MKRN1: variants seen among roughly 807,000 people sequenced by gnomAD.
The protein encoded by MKRN1 is E3 ubiquitin-protein ligase makorin-1.
A neutral mutation model predicts 55.5 loss-of-function variants in MKRN1; 9 were observed. The ratio of observed to expected loss-of-function variants is 0.16; its 90% CI spans 0.10 to 0.28. MKRN1 has a LOEUF of 0.28. MKRN1 is among the 10% of genes least tolerant of loss of function. MKRN1 has a pLI of 1.00. For synonymous variants in MKRN1, 253 were observed against 235.9 expected (o/e 1.07, Z -0.66); for missense variants, 488 against 626.7 (o/e 0.78, Z 2.36).
At chr7:140,460,424 C>T (rs1794588588) in intron 2 of MKRN1, among the ~76,000 whole-genome samples, 1 of 149,898 alleles carries the variant, frequency 6.7e-6, no homozygotes, top group Non-Finnish European at 1.5e-5. Flanking sequence ...ATTCTCCTGC[C>T]TCAGCCTCCC....
intron 1 of MKRN1, among the ~76,000 whole-genome samples, chr7:140,474,002 A>AGG (rs1795021343): frequency 8.3e-6 from 1 of 120,450 alleles, no homozygotes; most frequent in African/African-American, 3.8e-5. Flanking sequence ...CAAAAAAAAA[A>AGG]AAAAAAGAAA....
chr7:140,467,334 T>A, intron 2 of MKRN1, among the ~76,000 whole-genome samples: 1 of 151,968 alleles, frequency 6.6e-6, no homozygotes. Flanking sequence ...TGGAGTACAG[T>A]GGCACAATCA....
At chr7:140,460,885 T>A (rs760354763) in intron 2 of MKRN1, among the ~76,000 whole-genome samples, 3 of 152,254 alleles carry the variant, frequency 2.0e-5, no homozygotes, top group Non-Finnish European at 2.9e-5. Context: ...GTGTAGGCAC[T>A]ATTTAAAGGA....
At chr7:140,465,736 G>A (rs1794746378) in intron 2 of MKRN1, among the ~76,000 whole-genome samples, 1 of 152,086 alleles carries the variant, frequency 6.6e-6, no homozygotes, top group Non-Finnish European at 1.5e-5. Context: ...CTGTGAAGAG[G>A]GAAATCCCTG....
At chr7:140,472,148 G>T in intron 1 of MKRN1, 137 bp from the exon 2 acceptor site, 2 of 1,217,486 alleles carry the variant, frequency 1.6e-6, no homozygotes, top group Non-Finnish European at 2.3e-6. Flanking sequence ...GGCCAGGCAT[G>T]GTGGCTCATG....
At chr7:140,469,843 G>A (rs1238918126) in intron 2 of MKRN1, among the ~76,000 whole-genome samples, 1 of 152,030 alleles carries the variant, frequency 6.6e-6, no homozygotes, top group Non-Finnish European at 1.5e-5. Context: ...CTGGTCAGGA[G>A]ATCAAGACCA....
Position 140,479,494 on chromosome 7 carries a change from C to T in MKRN1, c.-150G>A. On this transcript the variant is annotated 5_prime_UTR_variant, in exon 1 of 8. Coordinates refer to ENST00000255977, the MANE Select transcript of MKRN1 (RefSeq NM_013446.4). ...TCCCCGCCTGCTACGCGTCGCGTATCTGAGCGCTCTCGCCACTTCAACTGC... is the reference window on the plus strand; with the variant it reads ...TCCCCGCCTGCTACGCGTCGCGTATTTGAGCGCTCTCGCCACTTCAACTGC... 1 of 824,762 alleles carries T rather than the reference C, an allele frequency of 1.2e-6. No individual in the cohort carries two copies. Among genetic ancestry groups the T allele is most frequent in the Non-Finnish European group, 1.6e-6 (1 of 610,840 alleles). 51.1% of individuals were successfully genotyped at this position (824,762 alleles called of 1,614,324 possible).
At chr7:140,462,609 G>C (rs1317237651) in intron 2 of MKRN1, among the ~76,000 whole-genome samples, 1 of 151,330 alleles carries the variant, frequency 6.6e-6, no homozygotes, top group Non-Finnish European at 1.5e-5. Flanking sequence ...TGGGTGGATT[G>C]CCTGAGCTCA....
intron 2 of MKRN1, among the ~76,000 whole-genome samples, chr7:140,467,635 G>A (rs554592291): frequency 6.6e-6 from 1 of 152,140 alleles, no homozygotes; most frequent in Admixed American, 6.5e-5. Context: ...ACCAAAATAG[G>A]GAACCTACCT....
chr7:140,470,598 C>CA (rs1169377337), intron 2 of MKRN1, among the ~76,000 whole-genome samples: 2 of 149,090 alleles, frequency 1.3e-5, no homozygotes, highest in East Asian at 2.0e-4. Context: ...ACAAAACAAA[C>CA]AAAAAAACCC....
In MKRN1 at chr7:140,454,508, G is replaced by T; in HGVS notation, c.*9C>A. ...GTCAGCAGACCAGTTCACACGCCACGCAAGGTTGCTATAGATCCAAGTCAT... is the reference window on the plus strand; with the variant it reads ...GTCAGCAGACCAGTTCACACGCCACTCAAGGTTGCTATAGATCCAAGTCAT... On this transcript the variant is annotated 3_prime_UTR_variant, in exon 8 of 8. Transcript: ENST00000255977. 1 of 1,609,230 alleles carries T rather than the reference G, an allele frequency of 6.2e-7. No individual in the cohort carries two copies. The highest frequency in any genetic ancestry group is 8.5e-7 in the Non-Finnish European group (1 of 1,178,488).
chr7:140,463,765 G>T lies in MKRN1; in HGVS notation c.315-3829C>A, dbSNP rs576038370. On this transcript the variant is annotated intron_variant, in intron 2 of 7. Transcript: ENST00000255977. ...CCGGGCGTGGTGGCAGGCGCCTGTA[G>T]TCCCAGCTACTCGGGAGGCTGAGGG... Among the ~76,000 whole-genome samples the T allele has an allele frequency of 9.3e-3, 1,413 of 152,078 alleles. 22 individuals carry two copies. The highest frequency in any genetic ancestry group is 0.031 in the African/African-American group (1,285 of 41,504).
chr7:140,475,019 G>C (rs1403105182), intron 1 of MKRN1, among the ~76,000 whole-genome samples: 1 of 151,818 alleles, frequency 6.6e-6, no homozygotes, highest in Non-Finnish European at 1.5e-5. Flanking sequence ...ACGCCCAGCT[G>C]ATCTTTAAGT....
At position 140,470,972 on chromosome 7, in the gene MKRN1, A is replaced by G. The variant is rs115293713; in HGVS notation, c.314+911T>C. Among the ~76,000 whole-genome samples the G allele has an allele frequency of 3.2e-3, 490 of 152,182 alleles. 5 individuals carry two copies. Among genetic ancestry groups the G allele is most frequent in the African/African-American group, 0.011 (458 of 41,528 alleles). ...CCATCAAGTCTTCAGATGACTTGCT[A>G]AAATTTTGACTGCCATCTCATAAGT... On this transcript the variant is annotated intron_variant, in intron 2 of 7. Coordinates refer to ENST00000255977, the MANE Select transcript of MKRN1 (RefSeq NM_013446.4).
chr7:140,475,701 G>T (rs186931846), intron 1 of MKRN1, among the ~76,000 whole-genome samples: 28 of 152,150 alleles, frequency 1.8e-4, no homozygotes, highest in Admixed American at 1.4e-3. Flanking sequence ...ATCAAGAAAA[G>T]AGTTTTTTGA....
Position 140,479,286 on chromosome 7 carries a change from G to C in MKRN1, c.59C>G (p.Ala20Gly), listed in dbSNP as rs374472977. Residue 20 changes from alanine (A) to glycine (G), a missense_variant, in exon 1 of 8, where the codon GCG becomes GGG. Around this residue, in one of 2 missense-constraint regions of MKRN1, gnomAD observed 210 missense variants for 220.0 expected, o/e 0.95. Transcript: ENST00000255977. The stretch of plus-strand genomic sequence containing the variant: ...GGGGGAGGCTGCTGCCGCCGTCGCC[G>C]CTGCCGCTCCTGCTCCTGATGTTGT... Reference protein sequence around the residue: ...TATTSGAGAAAATAAAASPTP... With the variant: ...TATTSGAGAAGATAAAASPTP... 8 of 1,387,474 alleles carry C rather than the reference G, an allele frequency of 5.8e-6. No individual in the cohort carries two copies. Among genetic ancestry groups the C allele is most frequent in the Non-Finnish European group, 7.5e-6 (8 of 1,070,414 alleles). The allele number at this position is 1,387,474 out of a possible 1,614,324, so 85.9% of individuals were successfully genotyped here.
rs757426959 is a variant in MKRN1, at chr7:140,456,681, A to G, written c.957T>C (p.Ser319=). ...TGATCTTGCTCTCAAATTGCTTAGC[A>G]CTCCTCCACTTGCGAATGCACTTGA... is the stretch of plus-strand genomic sequence containing the variant. ...YCLKCIRKWR[S]AKQFESKIIK... is the part of the protein sequence containing the mutation. Residue 319 remains serine, a synonymous_variant, in exon 5 of 8, where the codon AGT becomes AGC. Transcript: ENST00000255977. 5 of 1,613,996 alleles carry G rather than the reference A, an allele frequency of 3.1e-6. No homozygotes were observed. The East Asian group carries it at 8.9e-5, about 29-fold the overall frequency.
chr7:140,462,782 G>T (rs1282185875), intron 2 of MKRN1, among the ~76,000 whole-genome samples: 1 of 152,126 alleles, frequency 6.6e-6, no homozygotes, highest in Non-Finnish European at 1.5e-5. Flanking sequence ...GGCTAACACG[G>T]TGAAACCCCG....
At chr7:140,477,705 G>A (rs982699922) in intron 1 of MKRN1, among the ~76,000 whole-genome samples, 18 of 152,128 alleles carry the variant, frequency 1.2e-4, no homozygotes, top group African/African-American at 3.9e-4. Context: ...CGATCCGCCC[G>A]CCTCAGCCTC....
Sources: allele counts gnomAD v4.1 joint callset (sites outside exome capture counted in the v4.1 genomes callset), GRCh38; gene constraint gnomAD v4.1.1; regional missense constraint gnomAD v4.1.1; transcripts MANE v1.5; gene names NCBI Gene and HGNC (gene_info 2026-07-23, HGNC 2026-07-21).